Variants in LPP observed in about 807,000 individuals in gnomAD.
LPP encodes LIM domain containing preferred translocation partner in lipoma, also known as lipoma-preferred partner.
In LPP, 38 loss-of-function variants were observed where a neutral mutation model predicts 60.4. That is an observed-to-expected ratio of 0.63 (90% CI 0.49 to 0.83). The LOEUF is 0.83. Ranked by LOEUF, LPP falls within the 40% of genes least tolerant of loss-of-function variation. LPP has a pLI of 0.00. For synonymous variants in LPP, 328 were observed against 290.8 expected (o/e 1.13, Z -1.30); for missense variants, 902 against 783.6 (o/e 1.15, Z -1.80).
intron 8 of LPP, among the ~76,000 whole-genome samples, chr3:188,754,960 G>A (rs1224350436): frequency 1.3e-5 from 2 of 152,140 alleles, no homozygotes; most frequent in East Asian, 1.9e-4. Context: ...AATAACTTCA[G>A]TAGCCATATG....
At chr3:188,375,877 T>C (rs1461176105) in intron 3 of LPP, among the ~76,000 whole-genome samples, 1 of 152,216 alleles carries the variant, frequency 6.6e-6, no homozygotes, top group Admixed American at 6.5e-5. Context: ...CTGCTTTGAA[T>C]GTGTCCCAGA....
chr3:188,833,471 C>A (rs971162168), intron 9 of LPP, among the ~76,000 whole-genome samples: 2 of 152,214 alleles, frequency 1.3e-5, no homozygotes, highest in African/African-American at 4.8e-5. Context: ...ATCCTAGAGG[C>A]GGTGTATACA....
intron 8 of LPP, among the ~76,000 whole-genome samples, chr3:188,730,456 G>A (rs1720034697): frequency 6.6e-6 from 1 of 152,204 alleles, no homozygotes; most frequent in South Asian, 2.1e-4. Flanking sequence ...ATTATCCCAA[G>A]GTTGGAGATA....
At chr3:188,406,685 A>C (rs192032232) in intron 4 of LPP, among the ~76,000 whole-genome samples, 2 of 152,304 alleles carry the variant, frequency 1.3e-5, no homozygotes, top group Non-Finnish European at 2.9e-5. Flanking sequence ...ACAAATGTCC[A>C]CAAATGCTGC....
In LPP at chr3:188,644,279, G is replaced by A. The variant is rs563960767; in HGVS notation, c.1113+34435G>A. Among the ~76,000 whole-genome samples the A allele has an allele frequency of 9.2e-5, 14 of 152,288 alleles. 1 individual carries two copies. In the South Asian group the frequency reaches 1.9e-3, roughly 20 times the overall value. On this transcript the variant is annotated intron_variant, in intron 7 of 11. Transcript: ENST00000617246. Reference sequence around the variant, plus strand: ...TGTACTTCACAAGTTCAGGATCAATGAGTATCCAGTTTAGCTAAAGAAAAC... The same window carrying A: ...TGTACTTCACAAGTTCAGGATCAATAAGTATCCAGTTTAGCTAAAGAAAAC...
intron 4 of LPP, among the ~76,000 whole-genome samples, chr3:188,443,772 G>A (rs998424328): frequency 6.6e-6 from 1 of 152,182 alleles, no homozygotes; most frequent in Non-Finnish European, 1.5e-5. Context: ...AAAGAATTGG[G>A]TTGCCATCAG....
intron 6 of LPP, among the ~76,000 whole-genome samples, chr3:188,534,281 C>T (rs1181224929): frequency 6.6e-6 from 1 of 152,162 alleles, no homozygotes. Flanking sequence ...CTTGATGAGT[C>T]CTTGGCTCCA....
At chr3:188,450,377 C>T (rs1349272653) in intron 4 of LPP, among the ~76,000 whole-genome samples, 1 of 152,138 alleles carries the variant, frequency 6.6e-6, no homozygotes, top group Non-Finnish European at 1.5e-5. Context: ...GGAACTATTG[C>T]TGTACTATTG....
At chr3:188,396,369 T>A (rs1208693995) in intron 3 of LPP, among the ~76,000 whole-genome samples, 1 of 152,164 alleles carries the variant, frequency 6.6e-6, no homozygotes, top group Non-Finnish European at 1.5e-5. Flanking sequence ...AATTAGAACA[T>A]CCTAAAGTGG....
At chr3:188,690,930 T>C (rs11916786) in intron 7 of LPP, among the ~76,000 whole-genome samples, 85,266 of 151,914 alleles carry the variant, frequency 0.56, 25,119 homozygotes, top group Middle Eastern at 0.68. Flanking sequence ...TTATGGGTTA[T>C]CTCTCATGAC....
rs1423399017 is a variant in LPP at position 188,885,677 on chromosome 3, T to A, written c.*11198T>A. ...CCAGTAATGGGATGGCTGGGTCAAA[T>A]GGTATTTCTAGTTCTAGATCCCTGA... On this transcript the variant is annotated 3_prime_UTR_variant, in exon 12 of 12. Coordinates refer to ENST00000617246, the MANE Select transcript of LPP (RefSeq NM_001375462.1). The A allele has an allele frequency of 1.3e-5, 2 of 153,030 alleles. No individual in the cohort carries two copies. The highest frequency in any genetic ancestry group is 2.9e-5 in the Non-Finnish European group (2 of 68,524). The allele number at this position is 153,030 out of a possible 1,614,324, so 9.5% of individuals were successfully genotyped here.
At chr3:188,369,326 T>A (rs1314872973) in intron 3 of LPP, among the ~76,000 whole-genome samples, 1 of 152,044 alleles carries the variant, frequency 6.6e-6, no homozygotes, top group Non-Finnish European at 1.5e-5. Flanking sequence ...ATTAAGAAGA[T>A]GCTAATGTAC....
intron 1 of LPP, among the ~76,000 whole-genome samples, chr3:188,207,666 C>G (rs1237561901): frequency 6.7e-6 from 1 of 149,686 alleles, no homozygotes; most frequent in South Asian, 2.1e-4. Flanking sequence ...CTATGTTTCC[C>G]AGGCTGGTCT....
intron 7 of LPP, among the ~76,000 whole-genome samples, chr3:188,702,118 G>A (rs1044999672): frequency 5.3e-5 from 8 of 151,294 alleles, no homozygotes; most frequent in Non-Finnish European, 7.4e-5. Context: ...CACCATGCCC[G>A]GCTAATTTTT....
chr3:188,539,862 C>T (rs183836135), intron 6 of LPP, among the ~76,000 whole-genome samples: 1 of 152,218 alleles, frequency 6.6e-6, no homozygotes, highest in Admixed American at 6.5e-5. Flanking sequence ...TTTCATGGTA[C>T]TCCCATTGTT....
At chr3:188,650,152 A>C (rs988003308) in intron 7 of LPP, among the ~76,000 whole-genome samples, 1 of 152,218 alleles carries the variant, frequency 6.6e-6, no homozygotes, top group African/African-American at 2.4e-5. Flanking sequence ...GCATTTTGCT[A>C]TATCCTTACT....
intron 3 of LPP, among the ~76,000 whole-genome samples, chr3:188,364,977 CAG>C (rs1770673899): frequency 6.6e-6 from 1 of 152,154 alleles, no homozygotes; most frequent in Non-Finnish European, 1.5e-5. Flanking sequence ...ATAGGAATGA[CAG>C]AGGCAGCAAG....
intron 2 of LPP, among the ~76,000 whole-genome samples, chr3:188,278,439 G>C (rs541212456): frequency 1.3e-5 from 2 of 152,198 alleles, no homozygotes; most frequent in Non-Finnish European, 2.9e-5. Flanking sequence ...GGCACCTGCA[G>C]CCAGAGACCT....
In LPP at chr3:188,250,808, C is replaced by CTTTCTCTT. The variant is rs749622593; in HGVS notation, c.-67+25282_-67+25283insTTCTCTTT. ...TTTCTGTCTTTCTCTTTCTTTCTTT[C>CTTTCTCTT]TCTTTCTTTCTTTCTTTTTCTTTCT... is the stretch of plus-strand genomic sequence containing the variant. On this transcript the variant is annotated intron_variant, in intron 2 of 11. Transcript: ENST00000617246. 6.1e-5 allele frequency among the ~76,000 whole-genome samples: 8 copies of CTTTCTCTT among 132,090 alleles called. No individual in the cohort carries two copies. The South Asian group carries it at 9.9e-4, about 16-fold the overall frequency. 86.7% of individuals were successfully genotyped at this position (132,090 alleles called of 152,430 possible).
Sources: gnomAD v4.1 joint callset for allele counts (sites outside exome capture counted in the v4.1 genomes callset) on GRCh38, gnomAD v4.1.1 for gene constraint, MANE v1.5 for transcripts, NCBI Gene and HGNC (gene_info 2026-07-23, HGNC 2026-07-21) for gene names.